The following CEP128 variants were observed in gnomAD, a reference collection of about 807,000 sequenced individuals.
CEP128 encodes the protein centrosomal protein 128, also known as centrosomal protein 128kDa.
A neutral mutation model predicts 156.7 loss-of-function variants in CEP128; 132 were observed. The observed-to-expected ratio is 0.84, with a 90% CI of 0.73 to 0.97. CEP128 has a LOEUF of 0.97. Among genes scored for constraint, CEP128 ranks in the 50% least tolerant of loss-of-function variants. The probability of loss-of-function intolerance (pLI) is 0.00; values close to 1 mark genes in which losing one functional copy is unlikely to be tolerated. For missense variants in CEP128, 1,252 were observed against 1,281.9 expected (o/e 0.98, Z 0.36); for synonymous variants, 469 against 448.9 (o/e 1.04, Z -0.57).
chr14:80,534,668 A>T (rs1889397408), intron 21 of CEP128, among the ~76,000 whole-genome samples: 1 of 152,072 alleles, frequency 6.6e-6, no homozygotes. Flanking sequence ...TACTAAAAAT[A>T]CAAAAAATTA....
intron 20 of CEP128, among the ~76,000 whole-genome samples, chr14:80,563,524 CTTTTTTTTTTT>C (rs540593415): frequency 0.023 from 1,802 of 78,900 alleles, 21 homozygotes; most frequent in Middle Eastern, 0.043. Flanking sequence ...GCCTCCAAAT[CTTTTTTTTTTT>C]TTTTTTTTTT....
At chr14:80,604,010 A>C (rs1237845639) in intron 19 of CEP128, among the ~76,000 whole-genome samples, 1 of 152,228 alleles carries the variant, frequency 6.6e-6, no homozygotes, top group Non-Finnish European at 1.5e-5. Context: ...TGTTACAGGT[A>C]AAAACAAAAA....
intron 19 of CEP128, among the ~76,000 whole-genome samples, chr14:80,595,758 A>G (rs1322493256): frequency 6.6e-6 from 1 of 152,214 alleles, no homozygotes; most frequent in African/African-American, 2.4e-5. Context: ...AAAGAGGTTT[A>G]ATGAACTCAC....
intron 14 of CEP128, among the ~76,000 whole-genome samples, chr14:80,789,583 T>C (rs937779007): frequency 6.6e-6 from 1 of 152,018 alleles, no homozygotes; most frequent in Non-Finnish European, 1.5e-5. Context: ...TTGAGAAATG[T>C]AGGGGCATAA....
chr14:80,914,510 TACA>T (rs1193500812), intron 3 of CEP128, 102 bp from the exon 4 acceptor site: 56 of 818,528 alleles, frequency 6.8e-5, no homozygotes, highest in Admixed American at 5.5e-4. Flanking sequence ...TTGTAAAATG[TACA>T]ACTTTTATCA....
At chr14:80,674,073 T>TG (rs1895966535) in intron 19 of CEP128, among the ~76,000 whole-genome samples, 1 of 53,886 alleles carries the variant, frequency 1.9e-5, no homozygotes, top group African/African-American at 1.2e-4. Context: ...TAATTCATAG[T>TG]TTTTTTTTTT....
intron 21 of CEP128, among the ~76,000 whole-genome samples, chr14:80,558,315 CAG>C (rs1465987944): frequency 6.6e-6 from 1 of 151,220 alleles, no homozygotes; most frequent in African/African-American, 2.4e-5. Flanking sequence ...TTTTTTGAGA[CAG>C]AGTCTTGCAC....
Position 80,857,758 on chromosome 14 carries a change from AC to A in CEP128, c.762+4998del, listed in dbSNP as rs1297964510. 3.5e-3 allele frequency among the ~76,000 whole-genome samples: 520 copies of A among 150,408 alleles called. 16 individuals are homozygous for A. Among genetic ancestry groups the A allele is most frequent in the Non-Finnish European group, 5.0e-3 (339 of 67,302 alleles). ...TCAAAAAAAAACAACAACAACAACAACAACAACAACAAAAAACATGAATTGA... is the reference window on the plus strand; with the variant it reads ...TCAAAAAAAAACAACAACAACAACAAAACAACAACAAAAAACATGAATTGA... On this transcript the variant is annotated intron_variant, in intron 9 of 24. Transcript: ENST00000555265.
chr14:80,518,551 G>A (rs1888597716), intron 23 of CEP128, among the ~76,000 whole-genome samples: 1 of 152,072 alleles, frequency 6.6e-6, no homozygotes, highest in African/African-American at 2.4e-5. Flanking sequence ...TTTATGAATT[G>A]CTGAAAAAGG....
chr14:80,826,071 A>C (rs768873116), intron 13 of CEP128, among the ~76,000 whole-genome samples: 2 of 141,160 alleles, frequency 1.4e-5, no homozygotes, highest in Non-Finnish European at 3.0e-5. Flanking sequence ...GCACCACTGC[A>C]CTCCACCCTG....
At chr14:80,863,840 T>C (rs1234814945) in intron 8 of CEP128, among the ~76,000 whole-genome samples, 2 of 152,206 alleles carry the variant, frequency 1.3e-5, no homozygotes, top group Non-Finnish European at 2.9e-5. Flanking sequence ...AAAAAGTTAT[T>C]GAATTGTACA....
intron 16 of CEP128, among the ~76,000 whole-genome samples, chr14:80,762,124 T>C (rs1416178789): frequency 2.6e-5 from 4 of 152,128 alleles, no homozygotes; most frequent in African/African-American, 7.2e-5. Context: ...ATTTACCACA[T>C]AAATGCTTTT....
chr14:80,757,001 A>G (rs780503076), intron 17 of CEP128, 50 bp from the exon 18 acceptor site: 2 of 1,192,062 alleles, frequency 1.7e-6, no homozygotes, highest in Non-Finnish European at 2.4e-6. Context: ...TCTGACATAA[A>G]CATATATAAA....
In CEP128 at chr14:80,957,466, C is replaced by CA. The variant is rs11305793; in HGVS notation, c.-172+711dup. Among the ~76,000 whole-genome samples, 664 of 144,136 alleles carry CA rather than the reference C, an allele frequency of 4.6e-3. 1 individual carries two copies. Among genetic ancestry groups the CA allele is most frequent in the East Asian group, 0.011 (52 of 4,872 alleles). 94.6% of individuals were successfully genotyped at this position (144,136 alleles called of 152,430 possible). On this transcript the variant is annotated intron_variant, in intron 2 of 7. Transcript: ENST00000555529. ...GAACTACTTAGACACTCAGAAAAAA[C>CA]AAAAAAAAAAAAACTTAAGTGAATA...
At chr14:80,682,316 A>G (rs1896355511) in intron 19 of CEP128, among the ~76,000 whole-genome samples, 1 of 152,218 alleles carries the variant, frequency 6.6e-6, no homozygotes, top group Non-Finnish European at 1.5e-5. Flanking sequence ...AGCTTTATCA[A>G]TAAACCAGCT....
chr14:80,708,507 T>A (rs537025594), intron 19 of CEP128, among the ~76,000 whole-genome samples: 68 of 152,250 alleles, frequency 4.5e-4, no homozygotes, highest in African/African-American at 1.6e-3. Context: ...TTTTATTTTA[T>A]TATTATTATA....
intron 23 of CEP128, among the ~76,000 whole-genome samples, chr14:80,511,133 T>C (rs534035438): frequency 6.6e-6 from 1 of 151,828 alleles, no homozygotes; most frequent in Non-Finnish European, 1.5e-5. Flanking sequence ...AGAATGAGTT[T>C]GGGAGTATTC....
At chr14:80,657,270 T>A (rs6574597) in intron 19 of CEP128, among the ~76,000 whole-genome samples, 117,371 of 151,450 alleles carry the variant, frequency 0.77, 45,586 homozygotes, top group African/African-American at 0.81. Flanking sequence ...AAAAAAAATT[T>A]AAAAAAAATG....
chr14:80,778,106 C>T, intron 15 of CEP128, 60 bp from the exon 16 acceptor site: 1 of 1,375,804 alleles, frequency 7.3e-7, no homozygotes, highest in Non-Finnish European at 1.0e-6. Context: ...ATACACCAAA[C>T]ACATTACATA....
Sources: gnomAD v4.1 joint callset for allele counts (sites outside exome capture counted in the v4.1 genomes callset) on GRCh38, gnomAD v4.1.1 for gene constraint, MANE v1.5 for transcripts, NCBI Gene and HGNC (gene_info 2026-07-23, HGNC 2026-07-21) for gene names.